The following VGLL3 variants were observed in gnomAD, a reference collection of about 807,000 sequenced individuals.
VGLL3 encodes the protein transcription cofactor vestigial-like protein 3.
VGLL3 carries 18 observed loss-of-function variants against 29.2 expected under a neutral mutation model. That is an observed-to-expected ratio of 0.62 (90% CI 0.43 to 0.91). The LOEUF is 0.91. VGLL3 is among the 40% of genes least tolerant of loss of function. The pLI, the probability that VGLL3 is intolerant of heterozygous loss-of-function variation, is 0.00. For missense variants in VGLL3, 440 were observed against 413.2 expected (o/e 1.06, Z -0.56); for synonymous variants, 180 against 151.8 (o/e 1.19, Z -1.36).
intron 1 of VGLL3, 57 bp from the exon 2 acceptor site, chr3:86,978,859 T>C: frequency 6.7e-7 from 1 of 1,485,786 alleles, no homozygotes; most frequent in East Asian, 2.3e-5. Context: ...AAGCATTCAC[T>C]AGTTAAGTTT....
intron 1 of VGLL3, among the ~76,000 whole-genome samples, chr3:86,988,688 A>G (rs1705509328): frequency 7.5e-6 from 1 of 133,096 alleles, no homozygotes; most frequent in African/African-American, 2.9e-5. Context: ...AAAAAAAAGA[A>G]GAAGAAGAAG....
chr3:86,962,616 A>G, intron 3 of VGLL3: 1 of 938,280 alleles, frequency 1.1e-6, no homozygotes, highest in Non-Finnish European at 1.3e-6. Context: ...TTTGAAAAAA[A>G]TTCAAAAAAT....
intron 1 of VGLL3, among the ~76,000 whole-genome samples, chr3:86,988,951 G>T (rs1705519797): frequency 6.6e-6 from 1 of 151,956 alleles, no homozygotes; most frequent in South Asian, 2.1e-4. Context: ...TTTAGCAAAA[G>T]AAATGAATTT....
rs1485221702 is a variant in VGLL3, at chr3:86,962,230, T to A, written c.937+6360A>T. On this transcript the variant is annotated intron_variant, in intron 3 of 3. Coordinates refer to ENST00000398399, the MANE Select transcript of VGLL3 (RefSeq NM_016206.4). ...TCATACCATACTGATCATTTCAAGG[T>A]ACCTGTATGTAATACCTGTTCAACA... The A allele has an allele frequency of 7.1e-6, 7 of 985,298 alleles. No homozygotes were observed. The South Asian group carries it at 1.9e-4, about 26-fold the overall frequency. The allele number at this position is 985,298 out of a possible 1,614,324, so 61.0% of individuals were successfully genotyped here. A position where few individuals can be genotyped will look rare whatever the true frequency, so the allele number is the denominator to read the frequency against.
chr3:86,954,390 C>G (rs943426785), intron 3 of VGLL3, among the ~76,000 whole-genome samples: 1 of 152,174 alleles, frequency 6.6e-6, no homozygotes, highest in Non-Finnish European at 1.5e-5. Context: ...TCTGTTTGCT[C>G]TCTCAGTACC....
rs901233956 is a variant in VGLL3, at chr3:86,991,147, T to C, written c.-404A>G. 3.2e-5 allele frequency: 5 copies of C among 157,876 alleles called. No homozygotes were observed. The highest frequency in any genetic ancestry group is 1.2e-4 in the African/African-American group (5 of 41,562). The allele number at this position is 157,876 out of a possible 1,614,324, so 9.8% of individuals were successfully genotyped here. On this transcript the variant is annotated 5_prime_UTR_variant, in exon 1 of 4. Transcript: ENST00000398399. ...GGGGAGCCCAGCTCCGGTTTGCATATACACAATGCACGCCCGGGGCTCGTC... is the reference window on the plus strand; with the variant it reads ...GGGGAGCCCAGCTCCGGTTTGCATACACACAATGCACGCCCGGGGCTCGTC...
intron 3 of VGLL3, among the ~76,000 whole-genome samples, chr3:86,952,476 A>G (rs1422821282): frequency 6.6e-6 from 1 of 152,172 alleles, no homozygotes; most frequent in Non-Finnish European, 1.5e-5. Context: ...GAGATAAAAG[A>G]GGTAACCATA....
At position 86,979,237 on chromosome 3, in the gene VGLL3, G is replaced by C. The variant is rs529348774; in HGVS notation, c.127-435C>G. Reference sequence around the variant, plus strand: ...GGACAGAGAGGAATGACTGTCTGGGGGTGGAGTGGAGAAGAAAAGAACTTT... The same window carrying C: ...GGACAGAGAGGAATGACTGTCTGGGCGTGGAGTGGAGAAGAAAAGAACTTT... On this transcript the variant is annotated intron_variant, in intron 1 of 3. Coordinates refer to ENST00000398399, the MANE Select transcript of VGLL3 (RefSeq NM_016206.4). Among the ~76,000 whole-genome samples the C allele has an allele frequency of 2.0e-5, 3 of 152,162 alleles. No individual in the cohort carries two copies. In the South Asian group the frequency reaches 6.3e-4, roughly 32 times the overall value.
Position 86,960,944 on chromosome 3 carries a change from T to G in VGLL3, c.937+7646A>C, listed in dbSNP as rs1344873430. ...CAAAAGTAATTGTGATATATATATATATATATATATATATATATATATGCA... is the reference window on the plus strand; with the variant it reads ...CAAAAGTAATTGTGATATATATATAGATATATATATATATATATATATGCA... On this transcript the variant is annotated intron_variant, in intron 3 of 3. Coordinates refer to ENST00000398399, the MANE Select transcript of VGLL3 (RefSeq NM_016206.4). Among the ~76,000 whole-genome samples, 389 of 115,702 alleles carry G rather than the reference T, an allele frequency of 3.4e-3. 2 individuals carry two copies. The highest frequency in any genetic ancestry group is 9.9e-3 in the African/African-American group (371 of 37,406). 75.9% of individuals were successfully genotyped at this position (115,702 alleles called of 152,430 possible).
intron 3 of VGLL3, chr3:86,962,649 G>C (rs1030758950): frequency 1.1e-6 from 1 of 892,206 alleles, no homozygotes; most frequent in Non-Finnish European, 1.3e-6. Flanking sequence ...AAAATAAAAA[G>C]TGAGGTTCTC....
chr3:86,958,401 T>A (rs1484530096), intron 3 of VGLL3, among the ~76,000 whole-genome samples: 15 of 152,210 alleles, frequency 9.9e-5, no homozygotes, highest in Admixed American at 8.5e-4. Flanking sequence ...TCTTTTACAA[T>A]GATTCAAATT....
In VGLL3 at chr3:86,941,295, C is replaced by T. The variant is rs1400784665; in HGVS notation, c.*5729G>A. ...TAAATAATCATTATTAACTTTTGCT[C>T]TAGCCACGGCATAGAAAGAAATGTA... On this transcript the variant is annotated 3_prime_UTR_variant, in exon 4 of 4. Transcript: ENST00000398399. 6.6e-6 allele frequency: 1 copy of T among 152,240 alleles called. No homozygotes were observed. The highest frequency in any genetic ancestry group is 2.4e-5 in the African/African-American group (1 of 41,372). The allele number at this position is 152,240 out of a possible 1,614,324, so 9.4% of individuals were successfully genotyped here.
chr3:86,960,005 G>A (rs1442189250), intron 3 of VGLL3, among the ~76,000 whole-genome samples: 1 of 151,882 alleles, frequency 6.6e-6, no homozygotes, highest in Non-Finnish European at 1.5e-5. Flanking sequence ...TAGTATATTC[G>A]CTATTCTCAC....
At chr3:86,972,523 T>G (rs1189436607) in intron 2 of VGLL3, among the ~76,000 whole-genome samples, 1 of 152,208 alleles carries the variant, frequency 6.6e-6, no homozygotes, top group South Asian at 2.1e-4. Context: ...AGAGATGATA[T>G]GCTTTGTTTC....
intron 3 of VGLL3, among the ~76,000 whole-genome samples, chr3:86,948,513 A>G (rs1409058914): frequency 1.3e-5 from 2 of 152,186 alleles, no homozygotes; most frequent in East Asian, 3.9e-4. Context: ...AACAAATAGA[A>G]GGAGATATAC....
rs918647286 is a variant in VGLL3 at position 86,945,636 on chromosome 3, C to G, written c.*1388G>C. ...TTAAACTTTATTTAGATCCTGAGAG[C>G]TATATCAAGTTAAATCCTCAAATTT... On this transcript the variant is annotated 3_prime_UTR_variant, in exon 4 of 4. Transcript: ENST00000398399. 7 of 152,090 alleles carry G rather than the reference C, an allele frequency of 4.6e-5. No individual in the cohort carries two copies. Among genetic ancestry groups the G allele is most frequent in the Non-Finnish European group, 1.0e-4 (7 of 67,994 alleles). The allele number at this position is 152,090 out of a possible 1,614,324, so 9.4% of individuals were successfully genotyped here.
chr3:86,986,046 TAC>T (rs934349412), intron 1 of VGLL3, among the ~76,000 whole-genome samples: 8 of 98,286 alleles, frequency 8.1e-5, no homozygotes, highest in African/African-American at 1.5e-4. Context: ...CACACACGTA[TAC>T]ACACACACAC....
chr3:86,976,735 A>G (rs1398995744), intron 2 of VGLL3, among the ~76,000 whole-genome samples: 1 of 152,234 alleles, frequency 6.6e-6, no homozygotes, highest in Non-Finnish European at 1.5e-5. Flanking sequence ...ATGATTCTAT[A>G]GACAATCACT....
intron 3 of VGLL3, chr3:86,962,374 A>C: frequency 1.0e-6 from 1 of 985,362 alleles, no homozygotes; most frequent in Non-Finnish European, 1.2e-6. Context: ...CACAGCCCTC[A>C]CAGTATGGAT....
Sources: gnomAD v4.1 joint callset for allele counts (sites outside exome capture counted in the v4.1 genomes callset) on GRCh38, gnomAD v4.1.1 for gene constraint, MANE v1.5 for transcripts, NCBI Gene and HGNC (gene_info 2026-07-23, HGNC 2026-07-21) for gene names.